Variants in DENND1B observed in about 807,000 individuals in gnomAD.
The protein encoded by DENND1B is DENN domain containing 1B.
Under a neutral mutation model 90.1 loss-of-function variants are expected in DENND1B, and 59 were observed. The ratio of observed to expected loss-of-function variants is 0.65; its 90% CI spans 0.53 to 0.81. The LOEUF (loss-of-function observed/expected upper bound fraction) is 0.81. Among genes scored for constraint, DENND1B ranks in the 40% least tolerant of loss-of-function variants. DENND1B has a pLI of 0.00. For missense variants in DENND1B, 862 were observed against 912.6 expected (o/e 0.94, Z 0.71); for synonymous variants, 337 against 324.6 (o/e 1.04, Z -0.41).
At chr1:197,590,420 A>G (rs1365248323) in intron 14 of DENND1B, among the ~76,000 whole-genome samples, 2 of 152,252 alleles carry the variant, frequency 1.3e-5, no homozygotes, top group Admixed American at 1.3e-4. Flanking sequence ...TCAATTCTTA[A>G]AAAGTAGCTA....
chr1:197,585,997 G>A (rs1410585065), intron 14 of DENND1B, among the ~76,000 whole-genome samples: 1 of 152,094 alleles, frequency 6.6e-6, no homozygotes, highest in East Asian at 1.9e-4. Flanking sequence ...ACATTTCGTG[G>A]CAAAATCAAT....
intron 2 of DENND1B, among the ~76,000 whole-genome samples, chr1:197,758,841 G>A (rs1443277316): frequency 1.3e-5 from 2 of 151,644 alleles, no homozygotes; most frequent in African/African-American, 2.4e-5. Flanking sequence ...AAATGTGTCT[G>A]CTACATCTTA....
chr1:197,649,790 C>T (rs1181861786), intron 7 of DENND1B, among the ~76,000 whole-genome samples: 1 of 152,100 alleles, frequency 6.6e-6, no homozygotes, highest in East Asian at 1.9e-4. Context: ...TGGAAAAACC[C>T]TTCTAGACAT....
chr1:197,666,086 G>A (rs1175835143), intron 5 of DENND1B, among the ~76,000 whole-genome samples: 1 of 152,006 alleles, frequency 6.6e-6, no homozygotes, highest in African/African-American at 2.4e-5. Flanking sequence ...ATACACTACT[G>A]GTAAAGATAT....
chr1:197,620,467 T>G (rs1396007036), intron 10 of DENND1B, among the ~76,000 whole-genome samples: 1 of 151,304 alleles, frequency 6.6e-6, no homozygotes, highest in Non-Finnish European at 1.5e-5. Flanking sequence ...GTATTTTCTC[T>G]CATAGATCAA....
At chr1:197,657,546 TTACA>T (rs1653968866) in intron 6 of DENND1B, among the ~76,000 whole-genome samples, 1 of 152,014 alleles carries the variant, frequency 6.6e-6, no homozygotes, top group African/African-American at 2.4e-5. Flanking sequence ...TGCACATACA[TTACA>T]AAACTATTAA....
intron 10 of DENND1B, among the ~76,000 whole-genome samples, chr1:197,637,205 A>T (rs1469679271): frequency 6.6e-6 from 1 of 152,064 alleles, no homozygotes; most frequent in Non-Finnish European, 1.5e-5. Flanking sequence ...AAATACTAAC[A>T]TTATCACTGT....
chr1:197,631,775 TAACA>T (rs1345522351), intron 10 of DENND1B, among the ~76,000 whole-genome samples: 2 of 151,980 alleles, frequency 1.3e-5, no homozygotes, highest in African/African-American at 4.8e-5. Context: ...TATGTCTGTT[TAACA>T]TACATGTGTA....
chr1:197,705,113 G>A (rs552290901), intron 3 of DENND1B, among the ~76,000 whole-genome samples: 4 of 152,260 alleles, frequency 2.6e-5, no homozygotes, highest in South Asian at 2.1e-4. Context: ...TGAGGTAGCC[G>A]CACATCCAGA....
intron 13 of DENND1B, among the ~76,000 whole-genome samples, chr1:197,597,770 A>G (rs934459754): frequency 4.0e-5 from 6 of 151,828 alleles, no homozygotes; most frequent in Non-Finnish European, 4.4e-5. Context: ...TGTGTAGAAA[A>G]TAGGAAAAGA....
intron 16 of DENND1B, among the ~76,000 whole-genome samples, chr1:197,547,211 T>A (rs1408285931): frequency 1.3e-5 from 2 of 151,774 alleles, no homozygotes; most frequent in East Asian, 1.9e-4. Flanking sequence ...AAGGTTGCAG[T>A]GTGCTAAGAT....
chr1:197,703,572 A>G (rs1336441655), intron 3 of DENND1B, among the ~76,000 whole-genome samples: 2 of 152,118 alleles, frequency 1.3e-5, no homozygotes, highest in African/African-American at 4.8e-5. Flanking sequence ...GACCTCTGAG[A>G]TGTCTTAAAG....
rs541454240 is a variant in DENND1B, at chr1:197,636,351, AAC to A, written c.672+6358_672+6359del. On this transcript the variant is annotated intron_variant, in intron 10 of 22. Transcript: ENST00000620048. ...TTCACTGTAAGTAATTCAAATAATA[AAC>A]AGAGGTTCCTTAAGGGAAGGGATAC... 1.4e-3 allele frequency among the ~76,000 whole-genome samples: 215 copies of A among 152,278 alleles called. 3 individuals are homozygous for A. The highest frequency in any genetic ancestry group is 2.5e-4 in the Non-Finnish European group (17 of 68,016).
chr1:197,542,218 C>T (rs1385421257), intron 18 of DENND1B, among the ~76,000 whole-genome samples: 1 of 152,130 alleles, frequency 6.6e-6, no homozygotes, highest in African/African-American at 2.4e-5. Flanking sequence ...ATGAATTCCA[C>T]TTTGCTGTTA....
chr1:197,628,562 C>A (rs1207293783), intron 10 of DENND1B, among the ~76,000 whole-genome samples: 1 of 152,116 alleles, frequency 6.6e-6, no homozygotes, highest in African/African-American at 2.4e-5. Context: ...AGACCTAAAA[C>A]CATAAAAACC....
At chr1:197,669,226 G>C (rs1655243770) in intron 5 of DENND1B, among the ~76,000 whole-genome samples, 2 of 151,930 alleles carry the variant, frequency 1.3e-5, no homozygotes, top group Non-Finnish European at 2.9e-5. Context: ...AAATCTTTTA[G>C]GGATTCCATG....
chr1:197,701,371 T>G (rs977635524), intron 3 of DENND1B, among the ~76,000 whole-genome samples: 2 of 151,788 alleles, frequency 1.3e-5, no homozygotes, highest in East Asian at 3.9e-4. Flanking sequence ...TAAGTGGGAG[T>G]TGAACAATGA....
At chr1:197,513,505 GT>G (rs1234157337) in intron 20 of DENND1B, among the ~76,000 whole-genome samples, 1 of 99,272 alleles carries the variant, frequency 1.0e-5, no homozygotes. Flanking sequence ...CTTAGGTAAG[GT>G]CAATACTGCT....
rs1170087915 is a variant in DENND1B at position 197,604,042 on chromosome 1, T to G, written c.921+3031A>C. On this transcript the variant is annotated intron_variant, in intron 13 of 22. Coordinates refer to ENST00000620048, the MANE Select transcript of DENND1B (RefSeq NM_001195215.2). ...ACATTCAAACTATACTACAGATGTT[T>G]GAAGGTGTCTATTTGGCACAGCCAC... Among the ~76,000 whole-genome samples, 6 of 151,248 alleles carry G rather than the reference T, an allele frequency of 4.0e-5. No homozygotes were observed. In the South Asian group the frequency reaches 1.2e-3, roughly 31 times the overall value.
Sources: allele counts gnomAD v4.1 joint callset (sites outside exome capture counted in the v4.1 genomes callset), GRCh38; gene constraint gnomAD v4.1.1; transcripts MANE v1.5; gene names NCBI Gene and HGNC (gene_info 2026-07-23, HGNC 2026-07-21).